CACNA1I: variants seen among roughly 807,000 people sequenced by gnomAD.
CACNA1I encodes calcium voltage-gated channel subunit alpha1 I.
In CACNA1I, 74 loss-of-function variants were observed where a neutral mutation model predicts 201.6. The ratio of observed to expected loss-of-function variants is 0.37; its 90% confidence interval spans 0.30 to 0.45. The LOEUF is 0.45. Among genes scored for constraint, CACNA1I ranks in the 20% least tolerant of loss-of-function variants. The pLI is 1.00. For synonymous variants in CACNA1I, 1,431 were observed against 1,345.2 expected, an observed-to-expected ratio of 1.06 and a Z score of -1.40; for missense variants, 2,346 against 3,138.1, an observed-to-expected ratio of 0.75 and a Z score of 6.03.
chr22:39,613,171 T>C (rs371739125), intron 3 of CACNA1I, among the ~76,000 whole-genome samples: 10 of 152,316 alleles, frequency 6.6e-5, no homozygotes, highest in Admixed American at 3.3e-4. Context: ...TCTTGTCAGC[T>C]CCAAGCTTTT....
chr22:39,673,000 C>T lies in CACNA1I; in HGVS notation c.4701C>T (p.Thr1567=), dbSNP rs766364324. 1.2e-6 allele frequency: 2 copies of T among 1,613,854 alleles called. No individual in the cohort carries two copies. The highest frequency in any genetic ancestry group is 1.7e-6 in the Non-Finnish European group (2 of 1,179,826). The change falls in exon 28 of 37, where the codon ACC becomes ACT. Residue 1567 remains threonine (T), a synonymous_variant. Transcript: ENST00000402142. ...TGCTACTGTCAGTCATGGGCATCAC[C>T]CTGGAGGAGATCGAGATCAATGCGG... The part of the protein sequence containing the change: ...AIVLLSVMGI[T]LEEIEINAAL...
intron 4 of CACNA1I, among the ~76,000 whole-genome samples, chr22:39,620,281 G>A (rs9607660): frequency 0.37 from 29,693 of 81,322 alleles, 3,427 homozygotes; most frequent in East Asian, 0.55. Flanking sequence ...CCATCCATAC[G>A]TACATACATA....
intron 10 of CACNA1I, among the ~76,000 whole-genome samples, chr22:39,655,323 G>A (rs1601501266): frequency 6.6e-6 from 1 of 152,156 alleles, no homozygotes; most frequent in East Asian, 1.9e-4. Flanking sequence ...CAGAGGCTGG[G>A]CAGCCTGGTG....
intron 3 of CACNA1I, 144 bp downstream of exon 3, chr22:39,600,797 A>G: frequency 9.4e-7 from 1 of 1,065,326 alleles, no homozygotes; most frequent in Non-Finnish European, 1.3e-6. Context: ...GGGAGGAATG[A>G]TGGACAGACA....
chr22:39,609,942 G>A lies in CACNA1I; in HGVS notation c.482+9289G>A, dbSNP rs558991762. Among the ~76,000 whole-genome samples, 135 of 152,280 alleles carry A rather than the reference G, an allele frequency of 8.9e-4. 1 individual carries two copies. The highest frequency in any genetic ancestry group is 2.8e-3 in the African/African-American group (117 of 41,554). ...GCAGGGCTCTGTTGAGATCTCTAAC[G>A]TCAATACCAACCTAGGCAAGCTCCA... is the stretch of plus-strand genomic sequence containing the variant. On this transcript the variant is annotated intron_variant, in intron 3 of 36. Coordinates refer to ENST00000402142, the MANE Select transcript of CACNA1I (RefSeq NM_021096.4).
rs145656667 is a variant in CACNA1I, at chr22:39,621,183, C to T, written c.580+1776C>T. On this transcript the variant is annotated intron_variant, in intron 4 of 36. Coordinates refer to ENST00000402142, the MANE Select transcript of CACNA1I (RefSeq NM_021096.4). Reference sequence around the variant, plus strand: ...CACACAAAGTCACACAGCAATTCAGCGGCAGAGCTGGAATCTGAACAGAGT... The same window carrying T: ...CACACAAAGTCACACAGCAATTCAGTGGCAGAGCTGGAATCTGAACAGAGT... Among the ~76,000 whole-genome samples the T allele has an allele frequency of 4.9e-3, 745 of 152,346 alleles. 6 individuals are homozygous for T. The highest frequency in any genetic ancestry group is 0.017 in the African/African-American group (689 of 41,576).
In CACNA1I at chr22:39,570,772, C is replaced by T. The variant is rs60192012; in HGVS notation, c.20C>T (p.Pro7Leu). 6.0e-3 allele frequency: 9,582 copies of T among 1,608,158 alleles called. 494 individuals are homozygous for T. In the African/African-American group the frequency reaches 0.11, roughly 18 times the overall value. Residue 7 changes from proline (P) to leucine (L), a missense_variant, in exon 1 of 37, where the codon CCG becomes CTG. Pro to Leu is a moderately conservative substitution (Grantham distance 98). This residue lies in a region of CACNA1I where 130 missense variants were observed against 160.7 expected (regional missense o/e 0.81). Coordinates refer to ENST00000402142, the MANE Select transcript of CACNA1I (RefSeq NM_021096.4). ...GTGGACATGGCTGAGAGCGCCTCCC[C>T]GCCCTCCTCATCTGCAGCAGCCCCA... MAESAS[P>L]PSSSAAAPAA...
chr22:39,679,715 C>G lies in CACNA1I; in HGVS notation c.5395-7C>G, dbSNP rs771729075. On this transcript the variant is annotated splice_polypyrimidine_tract_variant and splice_region_variant and intron_variant, in intron 32 of 36. Transcript: ENST00000402142. ...CGCCTGTCCCCACCCCGTCCCCGTC[C>G]GCCTAGGAGAACCTGTGGCTGGACA... The G allele has an allele frequency of 1.9e-6, 3 of 1,608,414 alleles. No homozygotes were observed. Among genetic ancestry groups the G allele is most frequent in the Admixed American group, 3.4e-5 (2 of 59,662 alleles).
In CACNA1I at chr22:39,662,274, G is replaced by T. The variant is rs1935046523; in HGVS notation, c.3211G>T (p.Val1071Leu). 2 of 1,516,756 alleles carry T rather than the reference G, an allele frequency of 1.3e-6. No homozygotes were observed. The highest frequency in any genetic ancestry group is 1.8e-6 in the Non-Finnish European group (2 of 1,137,686). The allele number at this position is 1,516,756 out of a possible 1,614,324, so 94.0% of individuals were successfully genotyped here. A position where few individuals can be genotyped will look rare whatever the true frequency, so the allele number is the denominator to read the frequency against. The change falls in exon 17 of 37, where the codon GTG (valine) becomes TTG (leucine). Residue 1071 changes from valine to leucine, a missense_variant. Physicochemically the swap from Val to Leu is conservative, Grantham distance 32. This residue lies in a region of CACNA1I where 288 missense variants were observed against 255.2 expected (regional missense o/e 1.13). Transcript: ENST00000402142. ...NRDSVDLAELVPAVGAHPRAA... is the reference protein window; with the variant it reads ...NRDSVDLAELLPAVGAHPRAA... ...GGACTCGGTGGACCTGGCCGAGCTGGTGCCCGCGGTGGGCGCCCACCCCCG... is the reference window on the plus strand; with the variant it reads ...GGACTCGGTGGACCTGGCCGAGCTGTTGCCCGCGGTGGGCGCCCACCCCCG...
rs1935880657 is a variant in CACNA1I at position 39,686,415 on chromosome 22, G to A, written c.*10G>A. On this transcript the variant is annotated 3_prime_UTR_variant, in exon 37 of 37. Transcript: ENST00000402142. The stretch of plus-strand genomic sequence containing the variant: ...CAAGAGGAAGAGATGAGGGTCGCAG[G>A]GGCCCCCGGCCGCCCACCGCCCGCC... 2 of 1,231,570 alleles carry A rather than the reference G, an allele frequency of 1.6e-6. No individual in the cohort carries two copies. The highest frequency in any genetic ancestry group is 2.8e-5 in the South Asian group (1 of 35,386). 76.3% of individuals were successfully genotyped at this position (1,231,570 alleles called of 1,614,324 possible). A position where few individuals can be genotyped will look rare whatever the true frequency, so the allele number is the denominator to read the frequency against.
chr22:39,686,428 C>T lies in CACNA1I; in HGVS notation c.*23C>T, dbSNP rs1392558129. ...TGAGGGTCGCAGGGGCCCCCGGCCG[C>T]CCACCGCCCGCCCCGTCTCACCTTC... On this transcript the variant is annotated 3_prime_UTR_variant, in exon 37 of 37. Transcript: ENST00000402142. 3.3e-6 allele frequency: 4 copies of T among 1,222,956 alleles called. No individual in the cohort carries two copies. In the East Asian group the frequency reaches 1.0e-4, roughly 31 times the overall value. 75.8% of individuals were successfully genotyped at this position (1,222,956 alleles called of 1,614,324 possible).
intron 1 of CACNA1I, among the ~76,000 whole-genome samples, chr22:39,577,322 C>T (rs977034198): frequency 3.3e-5 from 5 of 152,248 alleles, no homozygotes; most frequent in Admixed American, 2.6e-4. Flanking sequence ...AGGCGGGAGC[C>T]ACTGCGTCCA....
intron 16 of CACNA1I, 140 bp downstream of exon 16, chr22:39,661,450 C>A (rs1935011029): frequency 1.5e-6 from 1 of 646,210 alleles, no homozygotes; most frequent in Admixed American, 3.4e-5. Flanking sequence ...CTGTTGCATT[C>A]CTGGGTGCCC....
At chr22:39,620,371 C>T (rs1814349973) in intron 4 of CACNA1I, among the ~76,000 whole-genome samples, 1 of 152,072 alleles carries the variant, frequency 6.6e-6, no homozygotes, top group South Asian at 2.1e-4. Context: ...ACCTGTCCAT[C>T]CACTCATCCA....
chr22:39,667,615 G>A (rs1935238700), intron 23 of CACNA1I, among the ~76,000 whole-genome samples: 2 of 152,130 alleles, frequency 1.3e-5, no homozygotes, highest in Admixed American at 1.3e-4. Context: ...TGCAGAACCA[G>A]ATGTGAACTC....
At chr22:39,671,077 A>C in intron 26 of CACNA1I, 123 bp downstream of exon 26, 6 of 852,730 alleles carry the variant, frequency 7.0e-6, no homozygotes, top group Non-Finnish European at 9.1e-6. Flanking sequence ...CAGCCCCTCC[A>C]TGCTGGGCTC....
chr22:39,624,943 C>G (rs1443052311), intron 4 of CACNA1I, among the ~76,000 whole-genome samples: 2 of 139,978 alleles, frequency 1.4e-5, no homozygotes, highest in East Asian at 2.3e-4. Flanking sequence ...GCATCTAGCC[C>G]TGTCACCCAG....
intron 4 of CACNA1I, among the ~76,000 whole-genome samples, chr22:39,628,744 C>T (rs1933966163): frequency 6.6e-6 from 1 of 152,116 alleles, no homozygotes; most frequent in Non-Finnish European, 1.5e-5. Context: ...CAGCAGACGG[C>T]CTCTCCCAGC....
At chr22:39,670,673 C>T (rs908769689) in intron 25 of CACNA1I, 130 bp from the exon 26 acceptor site, 4 of 838,812 alleles carry the variant, frequency 4.8e-6, no homozygotes, top group Non-Finnish European at 8.0e-6. Context: ...GATCCCAGGG[C>T]CTGGGGTGGA....
Sources: gnomAD v4.1 joint callset for allele counts (sites outside exome capture counted in the v4.1 genomes callset) on GRCh38, gnomAD v4.1.1 for gene constraint, gnomAD v4.1.1 regional missense constraint, MANE v1.5 for transcripts, NCBI Gene and HGNC (gene_info 2026-07-23, HGNC 2026-07-21) for gene names.